The following FAXC variants were observed in gnomAD, a reference collection of about 807,000 sequenced individuals.
The protein encoded by FAXC is failed axon connections homolog.
Under a neutral mutation model 41.9 loss-of-function variants are expected in FAXC, and 10 were observed. That is an observed-to-expected ratio of 0.24 (90% CI 0.15 to 0.41). The LOEUF (loss-of-function observed/expected upper bound fraction) is 0.41. Ranked by LOEUF, FAXC falls within the 10% of genes least tolerant of loss-of-function variation. The pLI, the probability that FAXC is intolerant of heterozygous loss-of-function variation, is 1.00. For missense variants in FAXC, 399 were observed against 510.9 expected (o/e 0.78, Z 2.11); for synonymous variants, 183 against 183.8 (o/e 1.00, Z 0.03).
intron 4 of FAXC, among the ~76,000 whole-genome samples, chr6:99,297,515 G>C (rs1404322722): frequency 6.6e-6 from 1 of 152,154 alleles, no homozygotes; most frequent in Non-Finnish European, 1.5e-5. Context: ...GAGGGGACAA[G>C]CAGAGAGCCA....
intron 1 of FAXC, among the ~76,000 whole-genome samples, chr6:99,343,986 C>T (rs1773510056): frequency 6.6e-6 from 1 of 152,142 alleles, no homozygotes; most frequent in African/African-American, 2.4e-5. Context: ...TCCCTGCATA[C>T]AGCTTTTCAA....
chr6:99,349,515 G>T lies in FAXC; in HGVS notation c.-143C>A. 2.1e-6 allele frequency: 1 copy of T among 483,868 alleles called. No individual in the cohort carries two copies. The highest frequency in any genetic ancestry group is 1.7e-4 in the East Asian group (1 of 6,048). The allele number at this position is 483,868 out of a possible 1,614,324, so 30.0% of individuals were successfully genotyped here. A position where few individuals can be genotyped will look rare whatever the true frequency, so the allele number is the denominator to read the frequency against. On this transcript the variant is annotated 5_prime_UTR_variant, in exon 1 of 6. Coordinates refer to ENST00000389677, the MANE Select transcript of FAXC (RefSeq NM_032511.4). ...GGCGACTGAGGAGGCGGCGGCGACT[G>T]AGGAGGCGGCGGCAGAGGAGGAGGA... is the stretch of plus-strand genomic sequence containing the variant.
intron 4 of FAXC, among the ~76,000 whole-genome samples, chr6:99,299,255 CTAAT>C (rs1323296418): frequency 6.6e-6 from 1 of 152,214 alleles, no homozygotes; most frequent in Non-Finnish European, 1.5e-5. Flanking sequence ...TCCTTCCTCC[CTAAT>C]TCTTTTCCCA....
At chr6:99,349,012 G>T in intron 1 of FAXC, 95 bp downstream of exon 1, 1 of 1,270,328 alleles carries the variant, frequency 7.9e-7, no homozygotes, top group South Asian at 1.4e-5. Flanking sequence ...TGGGCAGCTT[G>T]ACCGAGGGGC....
rs1419106759 is a variant in FAXC, at chr6:99,279,934, T to G, written c.*1230A>C. The G allele has an allele frequency of 6.6e-6, 1 of 152,270 alleles. No homozygotes were observed. The highest frequency in any genetic ancestry group is 1.5e-5 in the Non-Finnish European group (1 of 68,042). 9.4% of individuals were successfully genotyped at this position (152,270 alleles called of 1,614,324 possible). On this transcript the variant is annotated 3_prime_UTR_variant, in exon 6 of 6. Coordinates refer to ENST00000389677, the MANE Select transcript of FAXC (RefSeq NM_032511.4). ...ATACAAGTATCCTCTTGCTACTTCA[T>G]CTTTTCAATACATCTTTGCAAGGTT...
intron 2 of FAXC, among the ~76,000 whole-genome samples, chr6:99,342,346 CTTT>C (rs113675285): frequency 1.4e-5 from 2 of 143,492 alleles, no homozygotes. Flanking sequence ...CCAAAGCATA[CTTT>C]TTTTTTTTTT....
chr6:99,330,279 T>C (rs1772984069), intron 3 of FAXC, among the ~76,000 whole-genome samples: 1 of 152,216 alleles, frequency 6.6e-6, no homozygotes, highest in Non-Finnish European at 1.5e-5. Context: ...GGGCAGTATG[T>C]CACACTGAAG....
In FAXC at chr6:99,342,968, C is replaced by A. The variant is rs1773475340; in HGVS notation, c.332G>T (p.Gly111Val). Reference protein sequence around the residue: ...ILHQFARPNNGVPSLSPFCLK... With the variant: ...ILHQFARPNNVVPSLSPFCLK... ...ACAGAAAGGAGATAAACTTGGAACA[C>A]CATTGTTAGGTCTTGCAAACTGATG... Residue 111 changes from glycine (G) to valine (V), a missense_variant, in exon 2 of 6, where the codon GGT becomes GTT. Transcript: ENST00000389677. 6.2e-7 allele frequency: 1 copy of A among 1,612,398 alleles called. No individual in the cohort carries two copies. The highest frequency in any genetic ancestry group is 8.5e-7 in the Non-Finnish European group (1 of 1,179,540).
chr6:99,332,532 G>T (rs1773062259), intron 3 of FAXC, among the ~76,000 whole-genome samples: 1 of 152,130 alleles, frequency 6.6e-6, no homozygotes, highest in African/African-American at 2.4e-5. Flanking sequence ...AGTTTGTAAA[G>T]CAAGAACCAT....
At chr6:99,313,662 G>A (rs1363163096) in intron 4 of FAXC, among the ~76,000 whole-genome samples, 1 of 151,990 alleles carries the variant, frequency 6.6e-6, no homozygotes, top group East Asian at 1.9e-4. Flanking sequence ...TTTTATTCTG[G>A]CACCTTTATG....
intron 4 of FAXC, among the ~76,000 whole-genome samples, chr6:99,294,549 C>T (rs1195399308): frequency 6.6e-6 from 1 of 152,096 alleles, no homozygotes; most frequent in African/African-American, 2.4e-5. Flanking sequence ...TTCACAGCCT[C>T]AGAGAGAAGA....
At chr6:99,337,198 C>G (rs577196463) in intron 2 of FAXC, among the ~76,000 whole-genome samples, 5 of 151,422 alleles carry the variant, frequency 3.3e-5, no homozygotes, top group Admixed American at 1.3e-4. Flanking sequence ...TAACCATTCA[C>G]GATCTAGGTA....
At chr6:99,308,608 T>G (rs1461154080) in intron 4 of FAXC, among the ~76,000 whole-genome samples, 1 of 146,792 alleles carries the variant, frequency 6.8e-6, no homozygotes, top group African/African-American at 2.5e-5. Context: ...TCATCTATAA[T>G]TCAAAAAAAA....
chr6:99,338,125 A>T (rs1000863697), intron 2 of FAXC, among the ~76,000 whole-genome samples: 1 of 152,184 alleles, frequency 6.6e-6, no homozygotes, highest in Non-Finnish European at 1.5e-5. Flanking sequence ...TCTAAACCAC[A>T]GCACCATTTT....
intron 1 of FAXC, among the ~76,000 whole-genome samples, chr6:99,348,369 C>T (rs572097478): frequency 6.6e-6 from 1 of 152,308 alleles, no homozygotes; most frequent in Admixed American, 6.5e-5. Flanking sequence ...CTGGATGTAC[C>T]AACAGCAGGG....
chr6:99,299,052 C>A (rs968703610), intron 4 of FAXC, among the ~76,000 whole-genome samples: 5 of 152,116 alleles, frequency 3.3e-5, no homozygotes, highest in African/African-American at 1.2e-4. Flanking sequence ...CATCTCAGTT[C>A]TTTCCTCTGG....
intron 4 of FAXC, among the ~76,000 whole-genome samples, chr6:99,293,203 A>G (rs1040233869): frequency 6.6e-6 from 1 of 152,240 alleles, no homozygotes; most frequent in African/African-American, 2.4e-5. Context: ...CTTAGAACTT[A>G]AAGTGCATTA....
At chr6:99,323,312 G>A (rs1202359967) in intron 4 of FAXC, 132 bp downstream of exon 4, 5 of 707,226 alleles carry the variant, frequency 7.1e-6, no homozygotes, top group Middle Eastern at 4.0e-4. Flanking sequence ...TTAAATGTGG[G>A]GACTGCAATC....
At chr6:99,310,908 TG>T (rs1473449656) in intron 4 of FAXC, among the ~76,000 whole-genome samples, 2 of 151,658 alleles carry the variant, frequency 1.3e-5, no homozygotes, top group African/African-American at 4.9e-5. Flanking sequence ...GGAGATGAGG[TG>T]GGCATCTCTA....
Sources: gnomAD v4.1 joint callset for allele counts (sites outside exome capture counted in the v4.1 genomes callset) on GRCh38, gnomAD v4.1.1 for gene constraint, MANE v1.5 for transcripts, NCBI Gene and HGNC (gene_info 2026-07-23, HGNC 2026-07-21) for gene names.